The following CDC42BPB variants were observed in gnomAD, a reference collection of about 807,000 sequenced individuals.
CDC42BPB encodes the protein serine/threonine-protein kinase MRCK beta.
In CDC42BPB, 37 loss-of-function variants were observed where a neutral mutation model predicts 214.9. The observed-to-expected ratio is 0.17, with a 90% CI of 0.13 to 0.23. CDC42BPB has a LOEUF of 0.23. Ranked by LOEUF, CDC42BPB falls within the 10% of genes least tolerant of loss-of-function variation. The pLI, the probability that CDC42BPB is intolerant of heterozygous loss-of-function variation, is 1.00. For missense variants in CDC42BPB, 1,694 were observed against 2,227.0 expected, an observed-to-expected ratio of 0.76 and a Z score of 4.82; for synonymous variants, 931 against 884.0, an observed-to-expected ratio of 1.05 and a Z score of -0.94.
Position 102,954,685 on chromosome 14 carries a change from T to C in CDC42BPB, c.2905A>G (p.Ser969Gly). 1 of 1,613,046 alleles carries C rather than the reference T, an allele frequency of 6.2e-7. No individual in the cohort carries two copies. Among genetic ancestry groups the C allele is most frequent in the South Asian group, 1.1e-5 (1 of 90,980 alleles). ...PLAHDLTFRT[S>G]SASEQETQAP... ...TGTGTTTCTTGCTCACTAGCTGAGC[T>C]GGTCTGTGAGAACCAAGAAAGAAAG... The change falls in exon 22 of 37, where the codon AGC (serine) becomes GGC (glycine). Residue 969 changes from serine to glycine, a missense_variant. Around this residue, in one of 7 missense-constraint regions of CDC42BPB, gnomAD observed 156 missense variants for 154.5 expected, o/e 1.01. Transcript: ENST00000361246.
rs118000351 is a variant in CDC42BPB at position 102,985,515 on chromosome 14, G to T, written c.690+972C>A. Among the ~76,000 whole-genome samples, 9 of 152,364 alleles carry T rather than the reference G, an allele frequency of 5.9e-5. No individual in the cohort carries two copies. The East Asian group carries it at 1.5e-3, about 26-fold the overall frequency. On this transcript the variant is annotated intron_variant, in intron 6 of 36. Coordinates refer to ENST00000361246, the MANE Select transcript of CDC42BPB (RefSeq NM_006035.4). ...TTCTAGTCACTGGAAGACTGGAGTG[G>T]AGGACAGCACCCGCCTACCAATTAA... is the stretch of plus-strand genomic sequence containing the variant.
At chr14:103,051,793 T>C (rs1022699500) in intron 1 of CDC42BPB, among the ~76,000 whole-genome samples, 2 of 152,204 alleles carry the variant, frequency 1.3e-5, no homozygotes, top group Admixed American at 6.5e-5. Context: ...AGTCTAGATT[T>C]AAGAGAGACA....
intron 21 of CDC42BPB, among the ~76,000 whole-genome samples, chr14:102,955,043 G>A (rs1275955289): frequency 3.3e-5 from 5 of 152,116 alleles, no homozygotes; most frequent in East Asian, 1.9e-4. Context: ...TCCTTGCCCC[G>A]GTCACTGAAA....
Position 102,952,584 on chromosome 14 carries a change from C to G in CDC42BPB, c.3086G>C (p.Ser1029Thr). ...AGPKPKAHQFSIKSFSSPTQC... is the reference protein window; with the variant it reads ...AGPKPKAHQFTIKSFSSPTQC... ...AGTAGGGCTGGAGAAGGACTTGATG[C>G]TGAACTGGTGAGCTTTTGGCTGGAA... The change falls in exon 24 of 37, where the codon AGC becomes ACC. Residue 1029 changes from serine to threonine, a missense_variant. By Grantham distance (58) the Ser-to-Thr change is moderately conservative. Coordinates refer to ENST00000361246, the MANE Select transcript of CDC42BPB (RefSeq NM_006035.4). 1.2e-6 allele frequency: 2 copies of G among 1,613,906 alleles called. No homozygotes were observed.
intron 1 of CDC42BPB, among the ~76,000 whole-genome samples, chr14:103,027,921 G>A (rs962136387): frequency 3.3e-5 from 5 of 152,226 alleles, no homozygotes; most frequent in African/African-American, 1.2e-4. Context: ...CTTGAGGTCA[G>A]GAGTTCCAGG....
chr14:102,972,444 T>C (rs1052544256), intron 12 of CDC42BPB: 11 of 497,202 alleles, frequency 2.2e-5, no homozygotes, highest in Non-Finnish European at 2.6e-5. Context: ...CCCAGCACTT[T>C]TGGAGGCCAA....
Position 102,999,291 on chromosome 14 carries a change from C to T in CDC42BPB, c.596+274G>A, listed in dbSNP as rs183291053. On this transcript the variant is annotated intron_variant, in intron 5 of 36. Coordinates refer to ENST00000361246, the MANE Select transcript of CDC42BPB (RefSeq NM_006035.4). Reference sequence around the variant, plus strand: ...GGCATTTTAGGGAGGGGGTCTCAGACGGGGAGAAGTTGAGTCAATGTCAAA... The same window carrying T: ...GGCATTTTAGGGAGGGGGTCTCAGATGGGGAGAAGTTGAGTCAATGTCAAA... Among the ~76,000 whole-genome samples, 44 of 152,206 alleles carry T rather than the reference C, an allele frequency of 2.9e-4. No homozygotes were observed. In the East Asian group the frequency reaches 6.8e-3, roughly 23 times the overall value.
rs1892066897 is a variant in CDC42BPB, at chr14:102,944,642, T to C, written c.3812-155A>G. On this transcript the variant is annotated intron_variant, in intron 29 of 36. Coordinates refer to ENST00000361246, the MANE Select transcript of CDC42BPB (RefSeq NM_006035.4). The surrounding 1 kb of genome is among the most constrained non-coding windows in gnomAD (Gnocchi z 6.6). ...GCCTGAGCCCGGCCCTGAGCCCGTC[T>C]CTGCCCACAGAGCCAGTGGCTTGAA... The C allele has an allele frequency of 2.0e-6, 2 of 985,204 alleles. No homozygotes were observed. Among genetic ancestry groups the C allele is most frequent in the African/African-American group, 1.7e-5 (1 of 57,170 alleles). 61.0% of individuals were successfully genotyped at this position (985,204 alleles called of 1,614,324 possible).
At position 103,057,253 on chromosome 14, in the gene CDC42BPB, T is replaced by C. The variant is rs2139811703; in HGVS notation, c.-80A>G. 1 of 1,184,312 alleles carries C rather than the reference T, an allele frequency of 8.4e-7. No individual in the cohort carries two copies. The highest frequency in any genetic ancestry group is 3.6e-5 in the East Asian group (1 of 27,842). The allele number at this position is 1,184,312 out of a possible 1,614,324, so 73.4% of individuals were successfully genotyped here. ...TCCGTCAGGGCGCGCCCTCGGGGGC[T>C]CGGCGGCTGCGAGCCCCGGCAGCAG... On this transcript the variant is annotated 5_prime_UTR_variant, in exon 1 of 37. Transcript: ENST00000361246.
Position 102,949,821 on chromosome 14 carries a change from C to A in CDC42BPB, c.3393G>T (p.Leu1131=). ...CAGGCTGGGTGGATTTTCCTTCAGGCAGATCATACAGGAAGAGCTTGCAGT... is the reference window on the plus strand; with the variant it reads ...CAGGCTGGGTGGATTTTCCTTCAGGAAGATCATACAGGAAGAGCTTGCAGT... ...VCDCKLFLYD[L]PEGKSTQPGV... The change falls in exon 26 of 37, where the codon CTG becomes CTT. Residue 1131 remains leucine (L), a synonymous_variant. Transcript: ENST00000361246. 2 of 1,613,632 alleles carry A rather than the reference C, an allele frequency of 1.2e-6. No individual in the cohort carries two copies. Among genetic ancestry groups the A allele is most frequent in the Non-Finnish European group, 8.5e-7 (1 of 1,180,016 alleles).
At chr14:102,967,702 GAGTAA>G (rs1378798707) in intron 16 of CDC42BPB, among the ~76,000 whole-genome samples, 2 of 132,898 alleles carry the variant, frequency 1.5e-5, no homozygotes, top group East Asian at 3.8e-4. Flanking sequence ...AGAAGAGGTA[GAGTAA>G]AGTACAGTAT....
At chr14:103,032,655 C>A (rs568441672) in intron 1 of CDC42BPB, among the ~76,000 whole-genome samples, 3 of 116,970 alleles carry the variant, frequency 2.6e-5, no homozygotes, top group African/African-American at 9.9e-5. Flanking sequence ...TTTTTTGAGA[C>A]GGAGTCTCGC....
At chr14:102,937,060 A>G (rs2139336259) in intron 36 of CDC42BPB, 1 of 152,332 alleles carries the variant, frequency 6.6e-6, no homozygotes, top group South Asian at 2.1e-4. Context: ...TGTGAATTTC[A>G]CTTAAATTTA....
chr14:102,986,603 A>C (rs1253867644), intron 5 of CDC42BPB, 23 bp from the exon 6 acceptor site: 1 of 1,609,092 alleles, frequency 6.2e-7, no homozygotes, highest in Non-Finnish European at 8.5e-7. Context: ...TAAACACACA[A>C]ATTAACCATC....
At chr14:102,999,745 C>A in intron 4 of CDC42BPB, 32 bp from the exon 5 acceptor site, 1 of 1,613,478 alleles carries the variant, frequency 6.2e-7, no homozygotes. Context: ...GGAGAGAATA[C>A]CACATTTAGT....
In CDC42BPB at chr14:102,933,648, C is replaced by G; in HGVS notation, c.*64G>C. ...CTTGGACAACACTGGAGGGCCCGCT[C>G]AGTCTTGGCACTGACGCTGGAGGCC... On this transcript the variant is annotated 3_prime_UTR_variant, in exon 37 of 37. Transcript: ENST00000361246. 2 of 1,299,694 alleles carry G rather than the reference C, an allele frequency of 1.5e-6. No individual in the cohort carries two copies. Among genetic ancestry groups the G allele is most frequent in the Non-Finnish European group, 2.0e-6 (2 of 1,005,672 alleles). The allele number at this position is 1,299,694 out of a possible 1,614,324, so 80.5% of individuals were successfully genotyped here.
chr14:102,947,798 C>T lies in CDC42BPB; in HGVS notation c.3454G>A (p.Asp1152Asn). 6.2e-7 allele frequency: 1 copy of T among 1,612,568 alleles called. No individual in the cohort carries two copies. The highest frequency in any genetic ancestry group is 8.5e-7 in the Non-Finnish European group (1 of 1,179,866). ...AGGACTGAGCTCACGGAAAACTCGT[C>T]ATCTCTGGTAAGGAAGAAACATTGA... ...IASQVLDLRD[D>N]EFSVSSVLAS... The change falls in exon 27 of 37, where the codon GAC becomes AAC. Residue 1152 changes from aspartate to asparagine, a missense_variant. Physicochemically the swap from Asp to Asn is conservative, Grantham distance 23. This residue lies in a region of CDC42BPB where 567 missense variants were observed against 790.3 expected (regional missense o/e 0.72). Coordinates refer to ENST00000361246, the MANE Select transcript of CDC42BPB (RefSeq NM_006035.4).
chr14:103,042,792 G>A (rs765284157), intron 1 of CDC42BPB, among the ~76,000 whole-genome samples: 12 of 152,130 alleles, frequency 7.9e-5, no homozygotes, highest in Non-Finnish European at 1.3e-4. Context: ...ACAAGTGCTG[G>A]CAAGGATGCG....
At chr14:102,940,569 A>G (rs1891846703) in intron 30 of CDC42BPB, 3 of 1,049,666 alleles carry the variant, frequency 2.9e-6, no homozygotes, top group East Asian at 2.8e-5. Context: ...TTTGAATACT[A>G]CAGTACAGAT....
Sources: allele counts gnomAD v4.1 joint callset (sites outside exome capture counted in the v4.1 genomes callset), GRCh38; gene constraint gnomAD v4.1.1; regional missense constraint gnomAD v4.1.1; non-coding constraint Gnocchi (gnomAD v3.1); transcripts MANE v1.5; gene names NCBI Gene and HGNC (gene_info 2026-07-23, HGNC 2026-07-21).